The following PRKAR1B variants were observed in gnomAD, a reference collection of about 807,000 sequenced individuals.
The protein encoded by PRKAR1B is cAMP-dependent protein kinase type I-beta regulatory subunit.
Under a neutral mutation model 46.5 loss-of-function variants are expected in PRKAR1B, and 22 were observed. The ratio of observed to expected loss-of-function variants is 0.47; its 90% CI spans 0.34 to 0.68. The LOEUF (loss-of-function observed/expected upper bound fraction) is 0.68, where lower values mean the gene tolerates loss of function less well. Ranked by LOEUF, PRKAR1B falls within the 30% of genes least tolerant of loss-of-function variation. The pLI, the probability that PRKAR1B is intolerant of heterozygous loss-of-function variation, is 0.01. For synonymous variants in PRKAR1B, 259 were observed against 217.7 expected (o/e 1.19, Z -1.67); for missense variants, 445 against 535.6 (o/e 0.83, Z 1.67).
intron 4 of PRKAR1B, among the ~76,000 whole-genome samples, chr7:661,252 C>CT (rs1236269188): frequency 2.0e-4 from 14 of 71,604 alleles, no homozygotes; most frequent in Non-Finnish European, 2.8e-4. Context: ...AATACCTACT[C>CT]TCCCCCCCAT....
At chr7:678,890 C>T (rs565659693) in intron 3 of PRKAR1B, among the ~76,000 whole-genome samples, 2 of 152,136 alleles carry the variant, frequency 1.3e-5, no homozygotes, top group African/African-American at 2.4e-5. Flanking sequence ...GTTCAAGACC[C>T]GCCTGGCCAA....
At chr7:625,832 C>T (rs1783361255) in intron 4 of PRKAR1B, among the ~76,000 whole-genome samples, 2 of 151,990 alleles carry the variant, frequency 1.3e-5, no homozygotes, top group Non-Finnish European at 2.9e-5. Flanking sequence ...ATGGTGAAAC[C>T]CCATCTCTAG....
intron 2 of PRKAR1B, chr7:697,180 C>T (rs1208972619): frequency 6.6e-6 from 1 of 152,118 alleles, no homozygotes; most frequent in Admixed American, 6.5e-5. Context: ...TGGGGATTGT[C>T]CTGCTCCTAT....
At position 562,906 on chromosome 7, in the gene PRKAR1B, G is replaced by A. The variant is rs1404793834; in HGVS notation, c.892-11436C>T. On this transcript the variant is annotated intron_variant, in intron 9 of 10. Transcript: ENST00000537384. ...AGCAGAGATGCCCTGACCCTCGCCC[G>A]CCATTTCAGCTGTTGCTTTCTCAGC... Among the ~76,000 whole-genome samples the A allele has an allele frequency of 2.0e-5, 3 of 151,330 alleles. No individual in the cohort carries two copies. The East Asian group carries it at 5.8e-4, about 29-fold the overall frequency.
rs1490596267 is a variant in PRKAR1B, at chr7:727,212, G to A, written c.-25C>T. 1 of 1,351,168 alleles carries A rather than the reference G, an allele frequency of 7.4e-7. No homozygotes were observed. The highest frequency in any genetic ancestry group is 1.7e-5 in the South Asian group (1 of 59,158). The allele number at this position is 1,351,168 out of a possible 1,614,324, so 83.7% of individuals were successfully genotyped here. A position where few individuals can be genotyped will look rare whatever the true frequency, so the allele number is the denominator to read the frequency against. ...GCGGCGCCGCGCTCGCGCCCCACCT[G>A]GACGACGCTCTGCGCGCGCTGCGCT... On this transcript the variant is annotated splice_region_variant and 5_prime_UTR_variant, in exon 1 of 11. Coordinates refer to ENST00000537384, the MANE Select transcript of PRKAR1B (RefSeq NM_001164760.2).
intron 7 of PRKAR1B, among the ~76,000 whole-genome samples, chr7:595,796 G>T (rs2128456495): frequency 6.6e-6 from 1 of 152,294 alleles, no homozygotes; most frequent in South Asian, 2.1e-4. Flanking sequence ...TGTCGGCAGG[G>T]AACCACGCTC....
chr7:655,369 C>A (rs1785139939), intron 4 of PRKAR1B, among the ~76,000 whole-genome samples: 1 of 152,178 alleles, frequency 6.6e-6, no homozygotes, highest in South Asian at 2.1e-4. Flanking sequence ...ATGCCCCTGA[C>A]CACAGGGCCT....
chr7:601,888 G>T lies in PRKAR1B; in HGVS notation c.549+4305C>A, dbSNP rs554781971. Among the ~76,000 whole-genome samples the T allele has an allele frequency of 3.1e-4, 47 of 152,274 alleles. 1 individual carries two copies. The highest frequency in any genetic ancestry group is 9.1e-4 in the Admixed American group (14 of 15,302). ...GCTGCCTTTGTGCCTGACCCGGGGG[G>T]GCTGGGGAGGGGTAGGGACGGGCAG... On this transcript the variant is annotated intron_variant, in intron 6 of 10. Coordinates refer to ENST00000537384, the MANE Select transcript of PRKAR1B (RefSeq NM_001164760.2).
chr7:579,728 A>G (rs1780070461), intron 8 of PRKAR1B, among the ~76,000 whole-genome samples: 5 of 152,270 alleles, frequency 3.3e-5, no homozygotes, highest in Admixed American at 3.3e-4. Context: ...TTGTTACTTC[A>G]AAAGAATAGA....
intron 8 of PRKAR1B, among the ~76,000 whole-genome samples, chr7:583,384 C>T (rs145402699): frequency 0.37 from 46,824 of 127,240 alleles, 10,068 homozygotes; most frequent in African/African-American, 0.46. Flanking sequence ...CACACATGTG[C>T]ACACTCACAC....
Position 593,868 on chromosome 7 carries a change from G to C in PRKAR1B, c.708+2278C>G, listed in dbSNP as rs1781122035. Reference sequence around the variant, plus strand: ...CAATGCCCCACAGGTGCATAAATGAGAAGCTCATGGGGTGCAGAATCTGAT... The same window carrying C: ...CAATGCCCCACAGGTGCATAAATGACAAGCTCATGGGGTGCAGAATCTGAT... On this transcript the variant is annotated intron_variant, in intron 7 of 10. Coordinates refer to ENST00000537384, the MANE Select transcript of PRKAR1B (RefSeq NM_001164760.2). The surrounding 1 kb of genome is among the most constrained non-coding windows in gnomAD (Gnocchi z 6.1). Among the ~76,000 whole-genome samples, 1 of 152,192 alleles carries C rather than the reference G, an allele frequency of 6.6e-6. No homozygotes were observed. Among genetic ancestry groups the C allele is most frequent in the Non-Finnish European group, 1.5e-5 (1 of 68,022 alleles).
chr7:628,544 G>C (rs539749236), intron 4 of PRKAR1B, among the ~76,000 whole-genome samples: 1 of 152,348 alleles, frequency 6.6e-6, no homozygotes, highest in East Asian at 1.9e-4. Context: ...GTGTGAGGAA[G>C]AGCAAAGGCC....
chr7:668,390 C>T (rs1786050760), intron 4 of PRKAR1B, among the ~76,000 whole-genome samples: 1 of 152,204 alleles, frequency 6.6e-6, no homozygotes, highest in Non-Finnish European at 1.5e-5. Context: ...CCCTCCCCTG[C>T]CCACTCCCTC....
intron 3 of PRKAR1B, among the ~76,000 whole-genome samples, chr7:679,164 C>T (rs1168770205): frequency 2.0e-5 from 3 of 152,216 alleles, no homozygotes; most frequent in African/African-American, 7.2e-5. Context: ...TTCTCGTGCA[C>T]CTTGCAGTTC....
chr7:693,499 G>A (rs116690794), intron 2 of PRKAR1B, among the ~76,000 whole-genome samples: 5,060 of 151,904 alleles, frequency 0.033, 311 homozygotes, highest in African/African-American at 0.12. Flanking sequence ...GCGGAATTGC[G>A]CAGCATTTGG....
At chr7:594,503 A>G (rs1343823379) in intron 7 of PRKAR1B, among the ~76,000 whole-genome samples, 1 of 152,106 alleles carries the variant, frequency 6.6e-6, no homozygotes, top group Non-Finnish European at 1.5e-5. Flanking sequence ...CCCAGCGGTC[A>G]TGGCTAGGTA....
At chr7:595,993 C>T (rs1261960955) in intron 7 of PRKAR1B, among the ~76,000 whole-genome samples, 153 bp downstream of exon 7, 1 of 152,234 alleles carries the variant, frequency 6.6e-6, no homozygotes, top group Non-Finnish European at 1.5e-5. Context: ...AATCCCTCCA[C>T]CCCTTTCCAC....
chr7:590,404 T>G (rs1780908320), intron 7 of PRKAR1B, among the ~76,000 whole-genome samples: 2 of 152,108 alleles, frequency 1.3e-5, no homozygotes, highest in East Asian at 3.9e-4. Flanking sequence ...CTGGCGGCAC[T>G]GACCTTGCCA....
At chr7:611,396 G>A (rs145739663) in intron 4 of PRKAR1B, among the ~76,000 whole-genome samples, 56 of 152,384 alleles carry the variant, frequency 3.7e-4, no homozygotes, top group African/African-American at 1.3e-3. Flanking sequence ...CCTGCTATTT[G>A]GGTCAGGGCT....
Sources: allele counts gnomAD v4.1 joint callset (sites outside exome capture counted in the v4.1 genomes callset), GRCh38; gene constraint gnomAD v4.1.1; non-coding constraint Gnocchi (gnomAD v3.1); transcripts MANE v1.5; gene names NCBI Gene and HGNC (gene_info 2026-07-23, HGNC 2026-07-21).